SMIM10L3: variants seen among roughly 807,000 people sequenced by gnomAD.
The protein encoded by SMIM10L3 is small integral membrane protein 10 like 3.
the SMIM10L3 span, among the ~76,000 whole-genome samples, chr7:6,345,271 C>T: frequency 1.1e-4 from 16 of 151,880 alleles, no homozygotes; most frequent in South Asian, 6.3e-4. Flanking sequence ...GCACGCACCA[C>T]GACACCCGGC....
At chr7:6,332,419 T>G in the SMIM10L3 span, among the ~76,000 whole-genome samples, 3 of 152,286 alleles carry the variant, frequency 2.0e-5, no homozygotes, top group East Asian at 5.8e-4. Context: ...CACTTTTGAG[T>G]GTTGTCTGAA....
chr7:6,347,964 G>T, the SMIM10L3 span, among the ~76,000 whole-genome samples: 1 of 150,048 alleles, frequency 6.7e-6, no homozygotes, highest in Non-Finnish European at 1.5e-5. Flanking sequence ...AGGCTGGAGC[G>T]CAATGGAGCG....
At chr7:6,334,020 G>A in the SMIM10L3 span, among the ~76,000 whole-genome samples, 1,740 of 150,750 alleles carry the variant, frequency 0.012, 18 homozygotes, top group South Asian at 0.03. Context: ...CTAATTTTTC[G>A]TATTTTTAGT....
the SMIM10L3 span, among the ~76,000 whole-genome samples, chr7:6,332,027 G>C: frequency 6.6e-6 from 1 of 150,848 alleles, no homozygotes; most frequent in East Asian, 2.0e-4. Flanking sequence ...TGGGAGAATC[G>C]CTTGAACCCA....
chr7:6,347,844 A>C, the SMIM10L3 span, among the ~76,000 whole-genome samples: 2 of 151,056 alleles, frequency 1.3e-5, no homozygotes, highest in South Asian at 4.2e-4. Context: ...TCTTGAGGCC[A>C]GGAGTTCGAG....
the SMIM10L3 span, among the ~76,000 whole-genome samples, chr7:6,346,297 A>G: frequency 6.6e-6 from 1 of 152,150 alleles, no homozygotes; most frequent in East Asian, 1.9e-4. Flanking sequence ...GTATAATTTC[A>G]GAATGCTACA....
At chr7:6,334,398 T>A in the SMIM10L3 span, among the ~76,000 whole-genome samples, 1 of 151,614 alleles carries the variant, frequency 6.6e-6, no homozygotes, top group Admixed American at 6.6e-5. Context: ...TAGCTGGGCA[T>A]GGTGGAGCAT....
At chr7:6,331,239 G>C in the SMIM10L3 span, 1 of 1,354,234 alleles carries the variant, frequency 7.4e-7, no homozygotes, top group Non-Finnish European at 1.0e-6. Flanking sequence ...TATGAACCTA[G>C]GAAAGGGAAT....
chr7:6,336,837 G>T, the SMIM10L3 span, among the ~76,000 whole-genome samples: 1 of 152,000 alleles, frequency 6.6e-6, no homozygotes, highest in Non-Finnish European at 1.5e-5. Context: ...TGTATTTTGT[G>T]TAGAGACAAT....
the SMIM10L3 span, among the ~76,000 whole-genome samples, chr7:6,342,477 T>C: frequency 6.6e-6 from 1 of 151,084 alleles, no homozygotes; most frequent in African/African-American, 2.4e-5. Context: ...AGTCAGAAGT[T>C]GCAGTGAGCC....
the SMIM10L3 span, among the ~76,000 whole-genome samples, chr7:6,348,376 C>T: frequency 7.2e-5 from 11 of 152,200 alleles, no homozygotes; most frequent in Admixed American, 7.2e-4. Flanking sequence ...CTTAACCTGA[C>T]CCCCAGTGCC....
chr7:6,342,979 G>C, the SMIM10L3 span, among the ~76,000 whole-genome samples: 18 of 151,664 alleles, frequency 1.2e-4, no homozygotes, highest in Admixed American at 2.6e-4. Context: ...GGAGGCTGTA[G>C]TGAGCTATGA....
the SMIM10L3 span, among the ~76,000 whole-genome samples, chr7:6,336,158 G>C: frequency 7.0e-6 from 1 of 141,954 alleles, no homozygotes; most frequent in Non-Finnish European, 1.5e-5. Flanking sequence ...GGGCAACAGA[G>C]TGAGATTTTG....
the SMIM10L3 span, among the ~76,000 whole-genome samples, chr7:6,344,955 G>A: frequency 6.6e-6 from 1 of 151,898 alleles, no homozygotes. Context: ...TGGCCATGCT[G>A]GTCTCAAACT....
chr7:6,338,935 G>A, the SMIM10L3 span, among the ~76,000 whole-genome samples: 6 of 152,130 alleles, frequency 3.9e-5, no homozygotes, highest in Non-Finnish European at 8.8e-5. Flanking sequence ...GCTCACACAC[G>A]CTCCCAGATG....
chr7:6,330,590 G>A, the SMIM10L3 span: 9 of 1,614,170 alleles, frequency 5.6e-6, no homozygotes, highest in Non-Finnish European at 7.6e-6. Context: ...AGGATGGAGT[G>A]CAGGCAAGCG....
chr7:6,341,169 G>A, the SMIM10L3 span, among the ~76,000 whole-genome samples: 1 of 149,246 alleles, frequency 6.7e-6, no homozygotes, highest in African/African-American at 2.5e-5. Context: ...TGCTGGCCAG[G>A]CACAGTGGCT....
chr7:6,330,712 C>T, the SMIM10L3 span: 3 of 1,614,018 alleles, frequency 1.9e-6, no homozygotes, highest in African/African-American at 4.0e-5. Flanking sequence ...CCGAGGCTCT[C>T]CTTTGGGGCA....
chr7:6,347,385 G>A, the SMIM10L3 span, among the ~76,000 whole-genome samples: 3 of 151,936 alleles, frequency 2.0e-5, no homozygotes, highest in Admixed American at 2.0e-4. Context: ...GCGTGGTGGC[G>A]GGCACCTGTA....
Sources: allele counts gnomAD v4.1 joint callset (sites outside exome capture counted in the v4.1 genomes callset), GRCh38; gene constraint gnomAD v4.1.1; transcripts MANE v1.5; gene names NCBI Gene and HGNC (gene_info 2026-07-23, HGNC 2026-07-21).